Variants in CUL9 observed in about 807,000 individuals in gnomAD.
CUL9 encodes the protein cullin 9, also known as cullin-9.
Under a neutral mutation model 272.6 loss-of-function variants are expected in CUL9, and 79 were observed. That is an observed-to-expected ratio of 0.29 (90% CI 0.24 to 0.35). CUL9 has a LOEUF of 0.35. Among genes scored for constraint, CUL9 ranks in the 10% least tolerant of loss-of-function variants. The pLI is 1.00. For missense variants in CUL9, 2,532 were observed against 3,255.6 expected, an observed-to-expected ratio of 0.78 and a Z score of 5.41; for synonymous variants, 1,186 against 1,286.5, an observed-to-expected ratio of 0.92 and a Z score of 1.67.
chr6:43,190,212 A>C (rs1773331741), intron 8 of CUL9, among the ~76,000 whole-genome samples: 1 of 150,796 alleles, frequency 6.6e-6, no homozygotes, highest in African/African-American at 2.4e-5. Flanking sequence ...AATCTATCTA[A>C]TTGGCAGCAT....
At chr6:43,219,197 A>G (rs2150642448) in intron 31 of CUL9, among the ~76,000 whole-genome samples, 1 of 152,108 alleles carries the variant, frequency 6.6e-6, no homozygotes, top group African/African-American at 2.4e-5. Flanking sequence ...TAAAAGAGAG[A>G]GAGAGAGAGA....
In CUL9 at chr6:43,221,406, A is replaced by G; in HGVS notation, c.6752+85A>G. ...AAGGAGGGGGGAACGGGCTTAGTGT[A>G]AAGCTCAGCAAAAGAGGGTGGTTCC... On this transcript the variant is annotated intron_variant, in intron 34 of 40. Coordinates refer to ENST00000252050, the MANE Select transcript of CUL9 (RefSeq NM_015089.4). This position sits in a 1 kb window ranked among gnomAD's most constrained non-coding sequence, Gnocchi z 4.2. 2 of 1,447,766 alleles carry G rather than the reference A, an allele frequency of 1.4e-6. No homozygotes were observed. The highest frequency in any genetic ancestry group is 2.4e-5 in the East Asian group (1 of 41,732). 89.7% of individuals were successfully genotyped at this position (1,447,766 alleles called of 1,614,324 possible).
chr6:43,219,953 C>A lies in CUL9; in HGVS notation c.6283-506C>A, dbSNP rs115447989. Reference sequence around the variant, plus strand: ...CAAGTTGATCAGGGTTTGGGGGACGCAATGGGCAAGTCAGTTTTGTAGAGA... The same window carrying A: ...CAAGTTGATCAGGGTTTGGGGGACGAAATGGGCAAGTCAGTTTTGTAGAGA... On this transcript the variant is annotated intron_variant, in intron 31 of 40. Coordinates refer to ENST00000252050, the MANE Select transcript of CUL9 (RefSeq NM_015089.4). 5.6e-3 allele frequency among the ~76,000 whole-genome samples: 851 copies of A among 152,146 alleles called. 6 individuals carry two copies. The highest frequency in any genetic ancestry group is 0.02 in the African/African-American group (818 of 41,520).
chr6:43,224,051 C>T lies in CUL9; in HGVS notation c.7285-44C>T, dbSNP rs1776604533. 2 of 1,592,068 alleles carry T rather than the reference C, an allele frequency of 1.3e-6. No individual in the cohort carries two copies. The highest frequency in any genetic ancestry group is 4.5e-5 in the East Asian group (2 of 44,786). On this transcript the variant is annotated intron_variant, in intron 39 of 40. Coordinates refer to ENST00000252050, the MANE Select transcript of CUL9 (RefSeq NM_015089.4). This position sits in a 1 kb window ranked among gnomAD's most constrained non-coding sequence, Gnocchi z 4.2. The stretch of plus-strand genomic sequence containing the variant: ...GAAGGAATGCTGGGTCCAAAGGCCC[C>T]ATGCCCTCTACCTCCTTCTCAAATC...
chr6:43,209,955 C>T (rs1582397246), intron 26 of CUL9, among the ~76,000 whole-genome samples: 1 of 151,676 alleles, frequency 6.6e-6, no homozygotes, highest in East Asian at 1.9e-4. Context: ...CCCTTTTGTA[C>T]TTTTTATTTT....
rs188826521 is a variant in CUL9 at position 43,190,289 on chromosome 6, A to G, written c.2180+1574A>G. ...GGTAAAGTTAGGCACATTTGCATACATTTGTTCTGTTTTTTTTTTTCTATA... is the reference window on the plus strand; with the variant it reads ...GGTAAAGTTAGGCACATTTGCATACGTTTGTTCTGTTTTTTTTTTTCTATA... On this transcript the variant is annotated intron_variant, in intron 8 of 40. Coordinates refer to ENST00000252050, the MANE Select transcript of CUL9 (RefSeq NM_015089.4). Among the ~76,000 whole-genome samples, 267 of 143,426 alleles carry G rather than the reference A, an allele frequency of 1.9e-3. 1 individual carries two copies. The highest frequency in any genetic ancestry group is 2.8e-3 in the Admixed American group (42 of 14,812). 94.1% of individuals were successfully genotyped at this position (143,426 alleles called of 152,430 possible).
Position 43,220,115 on chromosome 6 carries a change from TTCTC to T in CUL9, c.6283-341_6283-338del, listed in dbSNP as rs1249369037. On this transcript the variant is annotated intron_variant, in intron 31 of 40. Coordinates refer to ENST00000252050, the MANE Select transcript of CUL9 (RefSeq NM_015089.4). This position sits in a 1 kb window ranked among gnomAD's most constrained non-coding sequence, Gnocchi z 4.9. ...AGGCAACCCATTTCCCAGGCCTCCT[TTCTC>T]TCGGACCTTCCTGCTCTCTGCATAT... is the stretch of plus-strand genomic sequence containing the variant. 1.3e-5 allele frequency among the ~76,000 whole-genome samples: 2 copies of T among 152,180 alleles called. No homozygotes were observed. Among genetic ancestry groups the T allele is most frequent in the African/African-American group, 4.8e-5 (2 of 41,438 alleles).
chr6:43,213,512 C>T lies in CUL9; in HGVS notation c.5433C>T (p.Leu1811=). 1 of 1,613,728 alleles carries T rather than the reference C, an allele frequency of 6.2e-7. No homozygotes were observed. The highest frequency in any genetic ancestry group is 8.5e-7 in the Non-Finnish European group (1 of 1,179,938). Residue 1811 remains leucine (L), a synonymous_variant, in exon 28 of 41, where the codon CTC becomes CTT. Transcript: ENST00000252050. The surrounding 1 kb of genome is among the most constrained non-coding windows in gnomAD (Gnocchi z 5.7). ...TGCTGCTCCAGGCACTCGTGCCCCT[C>T]ACCTCAGGGAATGGCCCTTTGACCC... ...PELLLQALVP[L]TSGNGPLTLH...
intron 9 of CUL9, among the ~76,000 whole-genome samples, chr6:43,194,700 C>T (rs898453329): frequency 1.3e-5 from 2 of 152,108 alleles, no homozygotes; most frequent in South Asian, 2.1e-4. Context: ...TTCCCTGATC[C>T]TCTCAAATTA....
Position 43,224,552 on chromosome 6 carries a change from C to T in CUL9, c.*107C>T. The T allele has an allele frequency of 9.4e-7, 1 of 1,058,690 alleles. No individual in the cohort carries two copies. The highest frequency in any genetic ancestry group is 1.7e-5 in the South Asian group (1 of 60,420). The allele number at this position is 1,058,690 out of a possible 1,614,324, so 65.6% of individuals were successfully genotyped here. ...GGGATTCCCAGCGTCTGTAGTGCTT[C>T]CTGTTTGCTGAATAAAGGTCTCTTT... On this transcript the variant is annotated 3_prime_UTR_variant, in exon 41 of 41. Transcript: ENST00000252050. The surrounding 1 kb of genome is among the most constrained non-coding windows in gnomAD (Gnocchi z 4.2).
chr6:43,207,307 T>C (rs765359998), intron 26 of CUL9, among the ~76,000 whole-genome samples: 148 of 152,234 alleles, frequency 9.7e-4, no homozygotes, highest in Admixed American at 1.6e-3. Flanking sequence ...GTCAATGTCT[T>C]CTTCCAGGAG....
chr6:43,214,934 GC>G, intron 29 of CUL9, 144 bp from the exon 30 acceptor site: 1 of 857,002 alleles, frequency 1.2e-6, no homozygotes, highest in Non-Finnish European at 1.7e-6. Flanking sequence ...CTGTGATCAG[GC>G]CACTGCACTC....
chr6:43,205,361 C>G lies in CUL9; in HGVS notation c.4731C>G (p.His1577Gln). The G allele has an allele frequency of 6.2e-7, 1 of 1,614,208 alleles. No homozygotes were observed. Among genetic ancestry groups the G allele is most frequent in the African/African-American group, 1.3e-5 (1 of 75,050 alleles). ...GVEMLGQLQR[H>Q]LEPIMVLSGL... is the part of the protein sequence containing the mutation. ...AAATGCTGGGGCAGCTTCAGCGGCA[C>G]CTGGAACCCATTATGGTCCTTTCTG... The change falls in exon 24 of 41, where the codon CAC becomes CAG. Residue 1577 changes from histidine to glutamine, a missense_variant. Coordinates refer to ENST00000252050, the MANE Select transcript of CUL9 (RefSeq NM_015089.4).
chr6:43,183,814 G>A lies in CUL9; in HGVS notation c.-9-488G>A, dbSNP rs192382520. Among the ~76,000 whole-genome samples the A allele has an allele frequency of 2.9e-3, 431 of 150,908 alleles. 3 individuals are homozygous for A. Among genetic ancestry groups the A allele is most frequent in the African/African-American group, 9.9e-3 (406 of 41,028 alleles). ...GTTGCCCAGGCTGGAGTACAGTGGC[G>A]CGGTCTTGGCTCACTGCAACCTCCG... On this transcript the variant is annotated intron_variant, in intron 1 of 40. Transcript: ENST00000252050.
At chr6:43,187,692 G>A (rs546804120) in intron 6 of CUL9, 21 bp from the exon 7 acceptor site, 12 of 1,608,506 alleles carry the variant, frequency 7.5e-6, no homozygotes, top group African/African-American at 1.3e-5. Context: ...TCTCTTAAAC[G>A]TATACCCCTT....
Position 43,188,691 on chromosome 6 carries a change from T to C in CUL9, c.2156T>C (p.Leu719Pro). Residue 719 changes from leucine to proline, a missense_variant, in exon 8 of 41, where the codon CTG (leucine) becomes CCG (proline). Physicochemically the swap from Leu to Pro is moderately conservative, Grantham distance 98 (BLOSUM62 -3). This residue lies in a region of CUL9 where 2,218 missense variants were observed against 2,788.6 expected (regional missense o/e 0.80). Transcript: ENST00000252050. ...VEEVTERDHP[L>P]VRPDRSLREK... ...GAGGTCACTGAGCGGGACCACCCTC[T>C]GGTCCGTCCTGACAGATCGCTGAGG... The C allele has an allele frequency of 6.2e-7, 1 of 1,613,370 alleles. No individual in the cohort carries two copies. The highest frequency in any genetic ancestry group is 8.5e-7 in the Non-Finnish European group (1 of 1,179,680).
chr6:43,184,562 A>C lies in CUL9; in HGVS notation c.252A>C (p.Ala84=). The C allele has an allele frequency of 6.2e-7, 1 of 1,613,272 alleles. No individual in the cohort carries two copies. Among genetic ancestry groups the C allele is most frequent in the Non-Finnish European group, 8.5e-7 (1 of 1,179,352 alleles). Residue 84 remains alanine, a synonymous_variant, in exon 2 of 41, where the codon GCA becomes GCC. Coordinates refer to ENST00000252050, the MANE Select transcript of CUL9 (RefSeq NM_015089.4). The surrounding 1 kb of genome is among the most constrained non-coding windows in gnomAD (Gnocchi z 4.8). ...ANCPGLLGER[A]LSKGLQHEPA... ...GCCCTGGGCTGTTAGGTGAGCGGGCACTATCTAAGGGACTTCAGCACGAAC... is the reference window on the plus strand; with the variant it reads ...GCCCTGGGCTGTTAGGTGAGCGGGCCCTATCTAAGGGACTTCAGCACGAAC...
At position 43,199,503 on chromosome 6, in the gene CUL9, G is replaced by A; in HGVS notation, c.3156+132G>A. ...GGCACTGGGATGGGTGTAGGAGGAG[G>A]AAGGGTAATGTAATCTAAGAATCTC... On this transcript the variant is annotated intron_variant, in intron 13 of 40. Coordinates refer to ENST00000252050, the MANE Select transcript of CUL9 (RefSeq NM_015089.4). The surrounding 1 kb of genome is among the most constrained non-coding windows in gnomAD (Gnocchi z 4.4). 1 of 664,350 alleles carries A rather than the reference G, an allele frequency of 1.5e-6. No individual in the cohort carries two copies. The highest frequency in any genetic ancestry group is 1.7e-5 in the South Asian group (1 of 58,430). The allele number at this position is 664,350 out of a possible 1,614,324, so 41.2% of individuals were successfully genotyped here.
chr6:43,216,386 G>A lies in CUL9; in HGVS notation c.6165G>A (p.Leu2055=). 6.2e-7 allele frequency: 1 copy of A among 1,614,144 alleles called. No homozygotes were observed. The highest frequency in any genetic ancestry group is 2.2e-5 in the East Asian group (1 of 44,890). The change falls in exon 31 of 41, where the codon CTG becomes CTA. Residue 2055 remains leucine, a synonymous_variant. Transcript: ENST00000252050. The part of the protein sequence containing the change: ...DPEPLLLAAG[L]CVHQAQAVPV... ...AGCCACTGCTGCTGGCAGCTGGGCT[G>A]TGCGTACACCAGGCTCAGGCTGTAC... is the stretch of plus-strand genomic sequence containing the variant.
Sources: gnomAD v4.1 joint callset for allele counts (sites outside exome capture counted in the v4.1 genomes callset) on GRCh38, gnomAD v4.1.1 for gene constraint, gnomAD v4.1.1 regional missense constraint, Gnocchi (gnomAD v3.1) non-coding constraint, MANE v1.5 for transcripts, NCBI Gene and HGNC (gene_info 2026-07-23, HGNC 2026-07-21) for gene names.